NSRP1: variants seen among roughly 807,000 people sequenced by gnomAD.
NSRP1 encodes the protein coiled-coil domain containing 55.
A neutral mutation model predicts 54.7 loss-of-function variants in NSRP1; 24 were observed. That is an observed-to-expected ratio of 0.44 (90% confidence interval 0.32 to 0.62). The LOEUF is 0.62. Ranked by LOEUF, NSRP1 falls within the 20% of genes least tolerant of loss-of-function variation. NSRP1 has a pLI of 0.06. For missense variants in NSRP1, 596 were observed against 651.2 expected (o/e 0.92, Z 0.92); for synonymous variants, 210 against 213.8 (o/e 0.98, Z 0.15).
At chr17:30,166,385 C>T (rs1396329253) in intron 2 of NSRP1, among the ~76,000 whole-genome samples, 1 of 152,154 alleles carries the variant, frequency 6.6e-6, no homozygotes, top group Non-Finnish European at 1.5e-5. Flanking sequence ...TCAATAAGAT[C>T]AACCCTTCCC....
At chr17:30,138,291 A>G (rs1003187670) in intron 2 of NSRP1, among the ~76,000 whole-genome samples, 1 of 152,170 alleles carries the variant, frequency 6.6e-6, no homozygotes, top group African/African-American at 2.4e-5. Flanking sequence ...ACATGGCTGT[A>G]TAAGTAACCA....
rs889150239 is a variant in NSRP1 at position 30,155,105 on chromosome 17, T to G, written c.115-17437T>G. Among the ~76,000 whole-genome samples, 9 of 152,320 alleles carry G rather than the reference T, an allele frequency of 5.9e-5. No homozygotes were observed. In the East Asian group the frequency reaches 1.7e-3, roughly 29 times the overall value. The stretch of plus-strand genomic sequence containing the variant: ...GTTAATTAAGATTTACTACCTTTTT[T>G]TTTCTTTTTAATTTTTGTGAGTATG... On this transcript the variant is annotated intron_variant, in intron 2 of 6. Transcript: ENST00000247026.
chr17:30,153,166 C>G (rs1234098140), intron 2 of NSRP1, among the ~76,000 whole-genome samples: 2 of 152,182 alleles, frequency 1.3e-5, no homozygotes, highest in African/African-American at 4.8e-5. Flanking sequence ...ATCTGCCTGC[C>G]TCAGCTTCCC....
intron 3 of NSRP1, among the ~76,000 whole-genome samples, chr17:30,175,648 G>T (rs143262962): frequency 6.6e-6 from 1 of 151,986 alleles, no homozygotes; most frequent in Admixed American, 6.6e-5. Flanking sequence ...CAGGAGATCC[G>T]CCCGTCTTCG....
At chr17:30,177,474 A>G (rs995396429) in intron 3 of NSRP1, among the ~76,000 whole-genome samples, 6 of 152,202 alleles carry the variant, frequency 3.9e-5, no homozygotes, top group Non-Finnish European at 7.3e-5. Flanking sequence ...AAATGGGCTC[A>G]TAGAAGAAGT....
chr17:30,156,875 T>C (rs1904328070), intron 2 of NSRP1, among the ~76,000 whole-genome samples: 1 of 152,182 alleles, frequency 6.6e-6, no homozygotes, highest in Non-Finnish European at 1.5e-5. Context: ...TGCCACATTT[T>C]CTTTGTCAAT....
In NSRP1 at chr17:30,184,603, T is replaced by TTTGTTTC. The variant is rs764692739; in HGVS notation, c.618-10_618-4dup. 2 of 1,528,836 alleles carry TTTGTTTC rather than the reference T, an allele frequency of 1.3e-6. No individual in the cohort carries two copies. The highest frequency in any genetic ancestry group is 1.8e-6 in the Non-Finnish European group (2 of 1,140,816). The allele number at this position is 1,528,836 out of a possible 1,614,324, so 94.7% of individuals were successfully genotyped here. A position where few individuals can be genotyped will look rare whatever the true frequency, so the allele number is the denominator to read the frequency against. ...CATTTTTTTCTGCCCTTTTTTGTTT[T>TTTGTTTC]TTGTTTCTAAGATCTGGTATAAAGG... On this transcript the variant is annotated splice_polypyrimidine_tract_variant and intron_variant, in intron 6 of 6. Transcript: ENST00000247026.
chr17:30,121,405 G>A (rs963923260), intron 2 of NSRP1, among the ~76,000 whole-genome samples: 2 of 151,244 alleles, frequency 1.3e-5, no homozygotes, highest in African/African-American at 2.4e-5. Flanking sequence ...GTAGGACCTG[G>A]CAGCCACATT....
chr17:30,183,670 T>G (rs1363228880), intron 6 of NSRP1, among the ~76,000 whole-genome samples: 2 of 152,168 alleles, frequency 1.3e-5, no homozygotes, highest in Non-Finnish European at 2.9e-5. Flanking sequence ...CTTATTTACA[T>G]TATACTCATA....
intron 2 of NSRP1, among the ~76,000 whole-genome samples, chr17:30,168,509 A>G (rs990779509): frequency 6.6e-6 from 1 of 151,124 alleles, no homozygotes; most frequent in African/African-American, 2.4e-5. Context: ...TTAAAATTAC[A>G]TAGTATAATT....
chr17:30,169,807 T>C (rs1311016847), intron 2 of NSRP1, among the ~76,000 whole-genome samples: 2 of 151,932 alleles, frequency 1.3e-5, no homozygotes, highest in African/African-American at 2.4e-5. Context: ...TTGATTTGTC[T>C]GTGGTCATAG....
At chr17:30,130,078 CCTT>C (rs1394873101) in intron 2 of NSRP1, among the ~76,000 whole-genome samples, 2 of 152,120 alleles carry the variant, frequency 1.3e-5, no homozygotes, top group African/African-American at 2.4e-5. Context: ...ATTCTGTCCT[CCTT>C]ATTTTTCTTT....
chr17:30,130,565 T>C (rs988920583), intron 2 of NSRP1, among the ~76,000 whole-genome samples: 3 of 152,216 alleles, frequency 2.0e-5, no homozygotes, highest in Non-Finnish European at 4.4e-5. Context: ...GGGTGTAATA[T>C]TTCTACAATA....
chr17:30,129,477 A>G (rs2071680705), intron 2 of NSRP1, among the ~76,000 whole-genome samples: 1 of 151,956 alleles, frequency 6.6e-6, no homozygotes, highest in Admixed American at 6.6e-5. Flanking sequence ...AGCAAGTTAC[A>G]GGATTACATA....
rs1905512975 is a variant in NSRP1 at position 30,185,719 on chromosome 17, A to G, written c.*45A>G. ...ATTTAAGGAAGCACAGAAAACTGTA[A>G]TTCCTGGAACCTGCTGCGTAAAACC... On this transcript the variant is annotated 3_prime_UTR_variant, in exon 7 of 7. Transcript: ENST00000247026. The G allele has an allele frequency of 6.7e-7, 1 of 1,484,338 alleles. No homozygotes were observed. The highest frequency in any genetic ancestry group is 8.9e-7 in the Non-Finnish European group (1 of 1,119,366). The allele number at this position is 1,484,338 out of a possible 1,614,324, so 91.9% of individuals were successfully genotyped here.
chr17:30,132,518 C>T (rs1057167134), intron 2 of NSRP1, among the ~76,000 whole-genome samples: 3 of 152,196 alleles, frequency 2.0e-5, no homozygotes, highest in African/African-American at 7.2e-5. Context: ...CATGCCACTG[C>T]ACTCCAGCTT....
chr17:30,135,322 C>G (rs1349051319), intron 2 of NSRP1, among the ~76,000 whole-genome samples: 2 of 150,698 alleles, frequency 1.3e-5, no homozygotes, highest in Non-Finnish European at 3.0e-5. Flanking sequence ...AGGATTTCAC[C>G]ATGTTGGCCC....
chr17:30,178,893 A>G (rs1206443172), intron 4 of NSRP1, among the ~76,000 whole-genome samples, 197 bp from the exon 5 acceptor site: 1 of 152,088 alleles, frequency 6.6e-6, no homozygotes, highest in Non-Finnish European at 1.5e-5. Context: ...ATTATAAACA[A>G]TTTCTATCTC....
intron 2 of NSRP1, among the ~76,000 whole-genome samples, chr17:30,140,888 C>T (rs2071798955): frequency 6.6e-6 from 1 of 152,144 alleles, no homozygotes; most frequent in Admixed American, 6.6e-5. Context: ...CAGGGTCTCA[C>T]TGTGTAGCCA....
Sources: allele counts gnomAD v4.1 joint callset (sites outside exome capture counted in the v4.1 genomes callset), GRCh38; gene constraint gnomAD v4.1.1; transcripts MANE v1.5; gene names NCBI Gene and HGNC (gene_info 2026-07-23, HGNC 2026-07-21).